ZFHX3: variants seen among roughly 807,000 people sequenced by gnomAD.
The protein encoded by ZFHX3 is zinc finger homeobox 3.
In ZFHX3, 42 loss-of-function variants were observed where a neutral mutation model predicts 279.1. The observed-to-expected ratio is 0.15, with a 90% CI of 0.12 to 0.19. The LOEUF (loss-of-function observed/expected upper bound fraction) is 0.19. Among genes scored for constraint, ZFHX3 ranks in the 10% least tolerant of loss-of-function variants. The pLI is 1.00. For missense variants in ZFHX3, 4,981 were observed against 4,754.0 expected, an observed-to-expected ratio of 1.05 and a Z score of -1.40; for synonymous variants, 2,293 against 1,957.8, an observed-to-expected ratio of 1.17 and a Z score of -4.52.
chr16:73,752,783 C>A (rs780246730), intron 1 of ZFHX3, among the ~76,000 whole-genome samples: 3 of 152,092 alleles, frequency 2.0e-5, no homozygotes, highest in Non-Finnish European at 2.9e-5. Context: ...ACCAGGAGGG[C>A]AAAAGTAACC....
At chr16:73,180,451 T>C (rs1045755192) in intron 5 of ZFHX3, among the ~76,000 whole-genome samples, 4 of 152,152 alleles carry the variant, frequency 2.6e-5, no homozygotes, top group African/African-American at 9.7e-5. Context: ...AGGCTACAAA[T>C]ACAGAAGGGA....
intron 1 of ZFHX3, among the ~76,000 whole-genome samples, chr16:72,997,860 G>T (rs570877622): frequency 6.6e-6 from 1 of 151,068 alleles, no homozygotes; most frequent in East Asian, 2.0e-4. Context: ...CGGCAAGATC[G>T]CTTGAGCCCA....
intron 1 of ZFHX3, among the ~76,000 whole-genome samples, chr16:72,994,254 T>C (rs1300351870): frequency 6.6e-6 from 1 of 152,246 alleles, no homozygotes; most frequent in Non-Finnish European, 1.5e-5. Context: ...GAAGAAATTA[T>C]AGACTTTAAC....
intron 4 of ZFHX3, among the ~76,000 whole-genome samples, chr16:72,836,480 C>T (rs561032969): frequency 7.9e-5 from 12 of 152,250 alleles, no homozygotes; most frequent in Admixed American, 3.9e-4. Context: ...TGCCCTGCCT[C>T]GGGAATTTTC....
At chr16:73,574,515 G>C (rs1256583528) in intron 2 of ZFHX3, among the ~76,000 whole-genome samples, 1 of 152,146 alleles carries the variant, frequency 6.6e-6, no homozygotes, top group East Asian at 1.9e-4. Context: ...CCAGGTACTT[G>C]TACATTTAAA....
At chr16:73,029,009 C>G (rs1001702119) in intron 1 of ZFHX3, among the ~76,000 whole-genome samples, 25 of 152,178 alleles carry the variant, frequency 1.6e-4, no homozygotes, top group African/African-American at 5.5e-4. Context: ...CCTGAGGTTT[C>G]TGCTTGTCTA....
intron 3 of ZFHX3, among the ~76,000 whole-genome samples, chr16:73,382,983 G>A (rs894009883): frequency 2.6e-5 from 4 of 152,188 alleles, no homozygotes; most frequent in African/African-American, 9.6e-5. Flanking sequence ...TTAGTTAAAT[G>A]AGGCAGGACA....
At chr16:73,580,269 A>G (rs2051845906) in intron 2 of ZFHX3, among the ~76,000 whole-genome samples, 1 of 151,842 alleles carries the variant, frequency 6.6e-6, no homozygotes, top group Non-Finnish European at 1.5e-5. Context: ...CACAAGGTCA[A>G]GAGGTTGAGA....
intron 3 of ZFHX3, among the ~76,000 whole-genome samples, chr16:73,364,820 G>C (rs1362534305): frequency 1.3e-5 from 2 of 152,130 alleles, no homozygotes; most frequent in African/African-American, 4.8e-5. Flanking sequence ...TTCCATTCAT[G>C]GGAGTGCTAT....
intron 3 of ZFHX3, among the ~76,000 whole-genome samples, chr16:72,944,101 T>C (rs1182916741): frequency 1.3e-5 from 2 of 151,904 alleles, no homozygotes; most frequent in African/African-American, 2.4e-5. Context: ...CTAGGCAAAA[T>C]GTCGAAATCC....
chr16:73,183,702 C>G (rs8043589), intron 5 of ZFHX3, among the ~76,000 whole-genome samples: 13 of 152,146 alleles, frequency 8.5e-5, no homozygotes, highest in Admixed American at 5.9e-4. Flanking sequence ...ATAGCTGCTG[C>G]GCCTGACTGC....
rs1443287528 is a variant in ZFHX3, at chr16:72,830,760, C to A, written c.3449-901G>T. 3.9e-5 allele frequency among the ~76,000 whole-genome samples: 6 copies of A among 152,100 alleles called. No homozygotes were observed. In the East Asian group the frequency reaches 9.6e-4, roughly 24 times the overall value. ...GACACTTCTCTCTTGCTTTCCTGGC[C>A]CTCCGAAACATTATCCAAAACATGC... On this transcript the variant is annotated intron_variant, in intron 4 of 9. Transcript: ENST00000268489.
intron 2 of ZFHX3, among the ~76,000 whole-genome samples, chr16:72,951,200 T>C (rs189070488): frequency 1.6e-3 from 246 of 152,342 alleles, no homozygotes; most frequent in African/African-American, 5.7e-3. Context: ...TTTTGTATTT[T>C]CTTTCTTTAG....
At chr16:73,502,968 G>A (rs1328975230) in intron 2 of ZFHX3, among the ~76,000 whole-genome samples, 1 of 152,226 alleles carries the variant, frequency 6.6e-6, no homozygotes, top group Non-Finnish European at 1.5e-5. Context: ...GGCAATCCCT[G>A]TTCATGGTGC....
chr16:73,023,427 G>T (rs1163715069), intron 1 of ZFHX3, among the ~76,000 whole-genome samples: 1 of 152,120 alleles, frequency 6.6e-6, no homozygotes, highest in African/African-American at 2.4e-5. Flanking sequence ...GAGGGTAAGG[G>T]GCGGAGGGAG....
intron 1 of ZFHX3, among the ~76,000 whole-genome samples, chr16:73,055,698 G>GCA (rs71156135): frequency 0.037 from 4,039 of 109,362 alleles, 126 homozygotes; most frequent in African/African-American, 0.078. Context: ...GCGCGCGCGC[G>GCA]CACACACACA....
chr16:73,756,803 G>A (rs972111160), intron 1 of ZFHX3, among the ~76,000 whole-genome samples: 7 of 148,518 alleles, frequency 4.7e-5, no homozygotes, highest in Non-Finnish European at 1.0e-4. Flanking sequence ...CCCCTATTGT[G>A]TGTATTATTT....
chr16:73,786,855 G>T (rs546868523), intron 1 of ZFHX3, among the ~76,000 whole-genome samples: 16 of 152,000 alleles, frequency 1.1e-4, no homozygotes, highest in African/African-American at 3.4e-4. Flanking sequence ...AGCTCTTCCC[G>T]TACCCATACC....
intron 2 of ZFHX3, among the ~76,000 whole-genome samples, chr16:73,650,205 C>T (rs756054534): frequency 2.0e-5 from 3 of 151,886 alleles, no homozygotes; most frequent in African/African-American, 4.8e-5. Flanking sequence ...CAAATAAGAA[C>T]CTTTAAGTAG....
Sources: gnomAD v4.1 joint callset for allele counts (sites outside exome capture counted in the v4.1 genomes callset) on GRCh38, gnomAD v4.1.1 for gene constraint, MANE v1.5 for transcripts, NCBI Gene and HGNC (gene_info 2026-07-23, HGNC 2026-07-21) for gene names.